Variants in SLC22A3 observed in about 807,000 individuals in gnomAD.
The protein encoded by SLC22A3 is EMT organic cation transporter 3.
SLC22A3 carries 51 observed loss-of-function variants against 59.1 expected under a neutral mutation model. The ratio of observed to expected loss-of-function variants is 0.86; its 90% CI spans 0.69 to 1.09. The LOEUF (loss-of-function observed/expected upper bound fraction) is 1.09. Ranked by LOEUF, SLC22A3 falls within the 50% of genes least tolerant of loss-of-function variation. SLC22A3 has a pLI of 0.00. For missense variants in SLC22A3, 711 were observed against 726.3 expected, an observed-to-expected ratio of 0.98 and a Z score of 0.24; for synonymous variants, 325 against 292.0, an observed-to-expected ratio of 1.11 and a Z score of -1.15.
At chr6:160,351,142 G>A (rs144660624) in intron 1 of SLC22A3, among the ~76,000 whole-genome samples, 4,687 of 152,296 alleles carry the variant, frequency 0.031, 235 homozygotes, top group African/African-American at 0.11. Context: ...TTGAGACGGA[G>A]TCTCTCTCTG....
At chr6:160,427,292 C>T (rs956350636) in intron 5 of SLC22A3, among the ~76,000 whole-genome samples, 1 of 152,204 alleles carries the variant, frequency 6.6e-6, no homozygotes, top group African/African-American at 2.4e-5. Flanking sequence ...CATCAAGCTC[C>T]AGCTACTGGC....
intron 1 of SLC22A3, among the ~76,000 whole-genome samples, chr6:160,394,239 G>T (rs963270345): frequency 6.6e-6 from 1 of 152,234 alleles, no homozygotes; most frequent in Admixed American, 6.5e-5. Context: ...AATTGTTGGT[G>T]ATCCACAATG....
At chr6:160,378,760 C>T (rs1373194992) in intron 1 of SLC22A3, among the ~76,000 whole-genome samples, 1 of 152,134 alleles carries the variant, frequency 6.6e-6, no homozygotes, top group African/African-American at 2.4e-5. Context: ...CACTAGCCTG[C>T]AGTCGGGCAA....
intron 1 of SLC22A3, among the ~76,000 whole-genome samples, chr6:160,369,426 G>C (rs964188156): frequency 6.6e-6 from 1 of 152,206 alleles, no homozygotes; most frequent in African/African-American, 2.4e-5. Flanking sequence ...AGCACTTCCA[G>C]TGATGCCTGC....
intron 1 of SLC22A3, among the ~76,000 whole-genome samples, chr6:160,365,444 C>A (rs1235723614): frequency 6.6e-6 from 1 of 152,176 alleles, no homozygotes; most frequent in Non-Finnish European, 1.5e-5. Context: ...GACTGCTGGG[C>A]CTCACTGGAG....
chr6:160,373,636 C>G (rs1443653917), intron 1 of SLC22A3, among the ~76,000 whole-genome samples: 1 of 152,166 alleles, frequency 6.6e-6, no homozygotes, highest in Admixed American at 6.5e-5. Context: ...TGCTCTGTCC[C>G]AGGGAGATGG....
intron 1 of SLC22A3, among the ~76,000 whole-genome samples, chr6:160,366,463 C>T (rs528462878): frequency 1.3e-5 from 2 of 152,348 alleles, no homozygotes; most frequent in African/African-American, 4.8e-5. Context: ...CAGCTGCCTT[C>T]ATGGCTGGCA....
intron 5 of SLC22A3, among the ~76,000 whole-genome samples, chr6:160,431,818 C>T (rs1788160393): frequency 6.6e-6 from 1 of 152,110 alleles, no homozygotes; most frequent in African/African-American, 2.4e-5. Context: ...CTGCTTTTGG[C>T]AACAAGTAAC....
chr6:160,402,074 A>T (rs316235), intron 2 of SLC22A3, among the ~76,000 whole-genome samples: 1 of 151,956 alleles, frequency 6.6e-6, no homozygotes, highest in Admixed American at 6.6e-5. Context: ...AAATGAGCCA[A>T]CTAAAAGACA....
At position 160,348,850 on chromosome 6, in the gene SLC22A3, T is replaced by C. The variant is rs1330971488; in HGVS notation, c.429+2T>C. On this transcript the variant is annotated splice_donor_variant, in intron 1 of 10. Coordinates refer to ENST00000275300, the MANE Select transcript of SLC22A3 (RefSeq NM_021977.4). LOFTEE classifies it high-confidence loss of function. ...GCCCACTCCACCATCGTCAGCGAGG[T>C]AAGGGCGCCCCGGCCCTTTGGAAGC... The C allele has an allele frequency of 6.3e-7, 1 of 1,580,808 alleles. No homozygotes were observed. The highest frequency in any genetic ancestry group is 2.3e-5 in the East Asian group (1 of 43,884).
chr6:160,363,638 CTGT>C (rs1785101084), intron 1 of SLC22A3, among the ~76,000 whole-genome samples: 1 of 152,100 alleles, frequency 6.6e-6, no homozygotes, highest in Admixed American at 6.6e-5. Context: ...AGCATAGACC[CTGT>C]TCCTAATCCT....
chr6:160,414,820 G>A (rs1344817623), intron 5 of SLC22A3, among the ~76,000 whole-genome samples: 3 of 152,134 alleles, frequency 2.0e-5, no homozygotes, highest in African/African-American at 7.2e-5. Flanking sequence ...GGGATTATGG[G>A]AATTACAATT....
chr6:160,412,038 G>C (rs2114863126), intron 5 of SLC22A3, among the ~76,000 whole-genome samples: 1 of 152,222 alleles, frequency 6.6e-6, no homozygotes, highest in East Asian at 1.9e-4. Context: ...GATTTCACAG[G>C]AACCTTCTGA....
In SLC22A3 at chr6:160,360,286, C is replaced by T. The variant is rs552152251; in HGVS notation, c.429+11438C>T. On this transcript the variant is annotated intron_variant, in intron 1 of 10. Coordinates refer to ENST00000275300, the MANE Select transcript of SLC22A3 (RefSeq NM_021977.4). Reference sequence around the variant, plus strand: ...CAGCCTGGATAACATGGTGAAACCCCGTCTCTACTAAATATACAAAAATTA... The same window carrying T: ...CAGCCTGGATAACATGGTGAAACCCTGTCTCTACTAAATATACAAAAATTA... 4.7e-3 allele frequency among the ~76,000 whole-genome samples: 709 copies of T among 152,156 alleles called. 3 individuals carry two copies. Among genetic ancestry groups the T allele is most frequent in the African/African-American group, 0.016 (682 of 41,500 alleles).
chr6:160,356,954 TAGTG>T (rs1251259393), intron 1 of SLC22A3, among the ~76,000 whole-genome samples: 1 of 152,064 alleles, frequency 6.6e-6, no homozygotes, highest in Non-Finnish European at 1.5e-5. Flanking sequence ...TAGAGAAAAT[TAGTG>T]AGGGGTGAAG....
chr6:160,443,423 A>G (rs1215988009), intron 8 of SLC22A3, among the ~76,000 whole-genome samples: 3 of 152,216 alleles, frequency 2.0e-5, no homozygotes, highest in Non-Finnish European at 4.4e-5. Flanking sequence ...CCCTCCACCC[A>G]CGCTGGAGAC....
intron 7 of SLC22A3, among the ~76,000 whole-genome samples, chr6:160,441,572 G>A (rs756817855): frequency 2.0e-5 from 3 of 150,458 alleles, no homozygotes; most frequent in African/African-American, 4.9e-5. Flanking sequence ...TTACACCTGT[G>A]CTCCTGGGCA....
rs567142411 is a variant in SLC22A3, at chr6:160,417,528, CA to C, written c.975+6683del. On this transcript the variant is annotated intron_variant, in intron 5 of 10. Transcript: ENST00000275300. ...TCAACTGCCAGAGTAGGGTTCAACA[CA>C]TTCTTTGGTGATGCAGGGGTATCTG... is the stretch of plus-strand genomic sequence containing the variant. Among the ~76,000 whole-genome samples, 329 of 152,340 alleles carry C rather than the reference CA, an allele frequency of 2.2e-3. 3 individuals carry two copies. Among genetic ancestry groups the C allele is most frequent in the African/African-American group, 7.7e-3 (319 of 41,578 alleles).
intron 9 of SLC22A3, among the ~76,000 whole-genome samples, chr6:160,447,398 TTC>T (rs1788785072): frequency 6.6e-6 from 1 of 152,168 alleles, no homozygotes; most frequent in Non-Finnish European, 1.5e-5. Flanking sequence ...CCTCCAGCAC[TTC>T]TGTTTCCCTG....
Sources: allele counts gnomAD v4.1 joint callset (sites outside exome capture counted in the v4.1 genomes callset), GRCh38; gene constraint gnomAD v4.1.1; transcripts MANE v1.5; gene names NCBI Gene and HGNC (gene_info 2026-07-23, HGNC 2026-07-21).